The following CDH2 variants were observed in gnomAD, a reference collection of about 807,000 sequenced individuals.
CDH2 encodes cadherin-2.
Under a neutral mutation model 92.0 loss-of-function variants are expected in CDH2, and 17 were observed. That is an observed-to-expected ratio of 0.18 (90% CI 0.13 to 0.28). CDH2 has a LOEUF of 0.28. Ranked by LOEUF, CDH2 falls within the 10% of genes least tolerant of loss-of-function variation. The pLI is 1.00. For missense variants in CDH2, 862 were observed against 1,133.1 expected (o/e 0.76, Z 3.44); for synonymous variants, 419 against 415.9 (o/e 1.01, Z -0.09).
chr18:28,107,301 T>G (rs916600457), intron 2 of CDH2, among the ~76,000 whole-genome samples: 1 of 151,960 alleles, frequency 6.6e-6, no homozygotes, highest in Non-Finnish European at 1.5e-5. Flanking sequence ...ACTAAAATAC[T>G]CCAAACTCAA....
At position 28,103,318 on chromosome 18, in the gene CDH2, T is replaced by C. The variant is rs1446096565; in HGVS notation, c.172+44355A>G. ...AACTCCTTTATATATATATAAAGTATATATATAAAAACTCCTTTATATATA... is the reference window on the plus strand; with the variant it reads ...AACTCCTTTATATATATATAAAGTACATATATAAAAACTCCTTTATATATA... On this transcript the variant is annotated intron_variant, in intron 2 of 15. Transcript: ENST00000269141. Among the ~76,000 whole-genome samples, 3 of 141,000 alleles carry C rather than the reference T, an allele frequency of 2.1e-5. No homozygotes were observed. The East Asian group carries it at 5.9e-4, about 28-fold the overall frequency. The allele number at this position is 141,000 out of a possible 152,430, so 92.5% of individuals were successfully genotyped here.
chr18:27,989,931 T>C (rs1870696282), intron 10 of CDH2, among the ~76,000 whole-genome samples, 166 bp downstream of exon 10: 1 of 152,228 alleles, frequency 6.6e-6, no homozygotes. Context: ...ATATCTAATA[T>C]AGTCATTGAC....
rs1313925584 is a variant in CDH2 at position 27,992,709 on chromosome 18, C to T, written c.1290G>A (p.Arg430=). The change falls in exon 9 of 16, where the codon CGG becomes CGA. Residue 430 remains arginine, a synonymous_variant. Coordinates refer to ENST00000269141, the MANE Select transcript of CDH2 (RefSeq NM_001792.5). The part of the protein sequence containing the change: ...YRISGGDPTG[R]FAIQTDPNSN... ...TGTTTGGGTCGGTCTGGATGGCGAA[C>T]CGTCCAGTAGGATCTCCGCCACTGA... The T allele has an allele frequency of 6.2e-7, 1 of 1,613,790 alleles. No individual in the cohort carries two copies. The highest frequency in any genetic ancestry group is 1.1e-5 in the South Asian group (1 of 90,998).
chr18:27,987,861 G>T (rs1455868868), intron 11 of CDH2, among the ~76,000 whole-genome samples: 1 of 152,128 alleles, frequency 6.6e-6, no homozygotes, highest in Non-Finnish European at 1.5e-5. Context: ...GCACCTGGGG[G>T]TCCTGTAGAA....
At chr18:28,047,282 TG>T (rs1196905530) in intron 2 of CDH2, among the ~76,000 whole-genome samples, 1 of 152,200 alleles carries the variant, frequency 6.6e-6, no homozygotes, top group Non-Finnish European at 1.5e-5. Flanking sequence ...ATCATAGTCT[TG>T]GCCCTCAATA....
intron 14 of CDH2, 120 bp downstream of exon 14, chr18:27,982,824 C>T: frequency 5.4e-6 from 3 of 551,486 alleles, no homozygotes; most frequent in Non-Finnish European, 8.7e-6. Context: ...AACAATTTAC[C>T]AAATGACTGA....
At chr18:27,966,853 G>A (rs1002741951) in intron 14 of CDH2, among the ~76,000 whole-genome samples, 11 of 152,096 alleles carry the variant, frequency 7.2e-5, no homozygotes, top group African/African-American at 2.7e-4. Flanking sequence ...GACCATCAAT[G>A]TTTCAGGCTT....
chr18:28,024,424 T>C (rs2013495263), intron 2 of CDH2, among the ~76,000 whole-genome samples: 1 of 150,324 alleles, frequency 6.7e-6, no homozygotes, highest in African/African-American at 2.4e-5. Flanking sequence ...AATCTATTTG[T>C]TAATAATATA....
At chr18:28,047,933 C>T (rs2014114270) in intron 2 of CDH2, among the ~76,000 whole-genome samples, 1 of 149,580 alleles carries the variant, frequency 6.7e-6, no homozygotes, top group Non-Finnish European at 1.5e-5. Context: ...TATGTTTTTG[C>T]CTCTATTTAA....
At chr18:28,119,548 C>T (rs2144269003) in intron 2 of CDH2, among the ~76,000 whole-genome samples, 2 of 152,156 alleles carry the variant, frequency 1.3e-5, no homozygotes. Context: ...TTCAATAATG[C>T]CTTAATATTG....
At chr18:27,973,594 A>G (rs2011729220) in intron 14 of CDH2, among the ~76,000 whole-genome samples, 1 of 152,184 alleles carries the variant, frequency 6.6e-6, no homozygotes, top group African/African-American at 2.4e-5. Context: ...GAACAGTGCA[A>G]CCCATTGTGG....
chr18:28,097,613 T>C (rs2015158167), intron 2 of CDH2, among the ~76,000 whole-genome samples: 1 of 152,168 alleles, frequency 6.6e-6, no homozygotes, highest in Non-Finnish European at 1.5e-5. Flanking sequence ...TAGTGTGTAT[T>C]ATAAGTAATC....
At chr18:28,055,361 ATATCAC>A (rs1056037714) in intron 2 of CDH2, among the ~76,000 whole-genome samples, 18 of 152,186 alleles carry the variant, frequency 1.2e-4, no homozygotes, top group Admixed American at 4.6e-4. Flanking sequence ...CAGCCAATCC[ATATCAC>A]TAGGCTTATT....
At chr18:27,988,003 A>G (rs2012290784) in intron 11 of CDH2, among the ~76,000 whole-genome samples, 1 of 152,102 alleles carries the variant, frequency 6.6e-6, no homozygotes, top group Non-Finnish European at 1.5e-5. Context: ...AATCTTAACC[A>G]ATGAGAAACC....
chr18:28,104,887 T>C (rs538712170), intron 2 of CDH2, among the ~76,000 whole-genome samples: 1 of 151,980 alleles, frequency 6.6e-6, no homozygotes, highest in African/African-American at 2.4e-5. Flanking sequence ...ATTTTACTTG[T>C]AGATAGATAG....
chr18:28,156,399 GAATGT>G lies in CDH2; in HGVS notation c.61-8620_61-8616del, dbSNP rs1184803583. On this transcript the variant is annotated intron_variant, in intron 1 of 15. Coordinates refer to ENST00000269141, the MANE Select transcript of CDH2 (RefSeq NM_001792.5). ...GGGTCTGCATACAAAATGTGGTACA[GAATGT>G]CACCTTCCCAGGTACAGAATGTCAC... 1.4e-3 allele frequency among the ~76,000 whole-genome samples: 215 copies of G among 152,034 alleles called. 3 individuals carry two copies. The highest frequency in any genetic ancestry group is 4.9e-3 in the African/African-American group (203 of 41,352).
chr18:28,012,623 G>A (rs552256761), intron 3 of CDH2, among the ~76,000 whole-genome samples: 1 of 152,236 alleles, frequency 6.6e-6, no homozygotes, highest in East Asian at 1.9e-4. Context: ...TGCTGCTTCA[G>A]TGCAAATATC....
At chr18:28,074,705 A>C (rs17468678) in intron 2 of CDH2, among the ~76,000 whole-genome samples, 1 of 149,030 alleles carries the variant, frequency 6.7e-6, no homozygotes, top group South Asian at 2.1e-4. Context: ...TTTTTTTTTA[A>C]CTATTTAAAT....
chr18:27,981,904 A>T (rs979173360), intron 14 of CDH2, among the ~76,000 whole-genome samples: 1 of 152,194 alleles, frequency 6.6e-6, no homozygotes, highest in East Asian at 1.9e-4. Context: ...ATAACTATCA[A>T]ATGTATCTAA....
Sources: allele counts gnomAD v4.1 joint callset (sites outside exome capture counted in the v4.1 genomes callset), GRCh38; gene constraint gnomAD v4.1.1; transcripts MANE v1.5; gene names NCBI Gene and HGNC (gene_info 2026-07-23, HGNC 2026-07-21).